DOCK3: variants seen among roughly 807,000 people sequenced by gnomAD.
DOCK3 encodes dedicator of cytokinesis 3.
In DOCK3, 60 loss-of-function variants were observed where a neutral mutation model predicts 265.6. That is an observed-to-expected ratio of 0.23 (90% CI 0.18 to 0.28). The LOEUF is 0.28. DOCK3 is among the 10% of genes least tolerant of loss of function. The pLI, the probability that DOCK3 is intolerant of heterozygous loss-of-function variation, is 1.00. For missense variants in DOCK3, 1,981 were observed against 2,594.3 expected, an observed-to-expected ratio of 0.76 and a Z score of 5.14; for synonymous variants, 881 against 938.0, an observed-to-expected ratio of 0.94 and a Z score of 1.11.
intron 12 of DOCK3, among the ~76,000 whole-genome samples, chr3:51,179,824 A>T (rs2087174088): frequency 6.6e-6 from 1 of 151,870 alleles, no homozygotes; most frequent in Non-Finnish European, 1.5e-5. Flanking sequence ...AGGTCAGATG[A>T]TTGCTTGAGC....
Position 51,359,649 on chromosome 3 carries a change from G to C in DOCK3, c.4885-862G>C, listed in dbSNP as rs904649753. Among the ~76,000 whole-genome samples the C allele has an allele frequency of 6.6e-6, 1 of 152,216 alleles. No homozygotes were observed. The highest frequency in any genetic ancestry group is 1.5e-5 in the Non-Finnish European group (1 of 68,034). ...GAGGTTCTCTGCCATGTGGGTTGCAGCAAAAAGCACAAAACACTTTCCTAT... is the reference window on the plus strand; with the variant it reads ...GAGGTTCTCTGCCATGTGGGTTGCACCAAAAAGCACAAAACACTTTCCTAT... On this transcript the variant is annotated intron_variant, in intron 46 of 52. Transcript: ENST00000266037. This position sits in a 1 kb window ranked among gnomAD's most constrained non-coding sequence, Gnocchi z 4.8.
chr3:50,969,343 C>G (rs1488469240), intron 5 of DOCK3, among the ~76,000 whole-genome samples: 1 of 152,088 alleles, frequency 6.6e-6, no homozygotes, highest in Non-Finnish European at 1.5e-5. Flanking sequence ...CTTTCCACCC[C>G]TTTACATTGA....
chr3:50,775,377 G>T (rs2675815), intron 1 of DOCK3, among the ~76,000 whole-genome samples: 143,364 of 152,052 alleles, frequency 0.94, 68,217 homozygotes, highest in East Asian at 1. Context: ...GTCTCCCATG[G>T]AAAATTTCAA....
chr3:51,233,354 C>CTATTTATT (rs1219559169), intron 19 of DOCK3, among the ~76,000 whole-genome samples: 24 of 113,280 alleles, frequency 2.1e-4, no homozygotes, highest in African/African-American at 1.1e-3. Flanking sequence ...ATCTATCTAT[C>CTATTTATT]TATCTATTTA....
intron 5 of DOCK3, among the ~76,000 whole-genome samples, chr3:50,965,148 T>G (rs2076992517): frequency 1.3e-5 from 2 of 152,084 alleles, no homozygotes; most frequent in African/African-American, 4.8e-5. Context: ...TGGAATTAAA[T>G]TAGAAATCAA....
intron 1 of DOCK3, among the ~76,000 whole-genome samples, chr3:50,740,881 C>T (rs183902729): frequency 5.9e-5 from 9 of 151,910 alleles, no homozygotes; most frequent in East Asian, 1.9e-4. Flanking sequence ...ATGTATAATT[C>T]GGTGGTATTA....
intron 2 of DOCK3, among the ~76,000 whole-genome samples, chr3:50,822,648 C>T (rs1335473803): frequency 6.6e-6 from 1 of 151,930 alleles, no homozygotes; most frequent in Non-Finnish European, 1.5e-5. Context: ...AGGCATGTGC[C>T]ACCATGCCCA....
intron 1 of DOCK3, among the ~76,000 whole-genome samples, chr3:50,755,697 G>A (rs1472512910): frequency 2.0e-5 from 3 of 152,082 alleles, no homozygotes; most frequent in Non-Finnish European, 2.9e-5. Context: ...ATAGATTAGT[G>A]AATCCATTTT....
At chr3:50,693,837 T>G (rs1274691393) in intron 1 of DOCK3, among the ~76,000 whole-genome samples, 1 of 151,614 alleles carries the variant, frequency 6.6e-6, no homozygotes, top group Admixed American at 6.6e-5. Flanking sequence ...GCACCTGGCC[T>G]TCCTTTTCAT....
intron 23 of DOCK3, among the ~76,000 whole-genome samples, chr3:51,267,198 G>C (rs1197237750): frequency 6.6e-5 from 10 of 152,130 alleles, no homozygotes; most frequent in Admixed American, 5.2e-4. Flanking sequence ...GGAGAAATAG[G>C]AATGCTTTTA....
intron 1 of DOCK3, among the ~76,000 whole-genome samples, chr3:50,770,640 C>T (rs1381304907): frequency 6.6e-6 from 1 of 152,084 alleles, no homozygotes; most frequent in African/African-American, 2.4e-5. Context: ...TCACAGCATT[C>T]CTAAGCAAAA....
At chr3:51,296,479 G>T (rs993344555) in intron 27 of DOCK3, among the ~76,000 whole-genome samples, 75 of 140,718 alleles carry the variant, frequency 5.3e-4, no homozygotes, top group South Asian at 1.4e-3. Context: ...ACTTAAATTG[G>T]TTTTTTTTTT....
intron 5 of DOCK3, among the ~76,000 whole-genome samples, chr3:51,061,762 G>A (rs1216822453): frequency 2.0e-5 from 3 of 151,440 alleles, no homozygotes; most frequent in Admixed American, 6.6e-5. Context: ...TGGCTTTCAT[G>A]ACACATACTC....
intron 1 of DOCK3, among the ~76,000 whole-genome samples, chr3:50,747,060 A>G (rs935484512): frequency 3.3e-5 from 5 of 152,084 alleles, no homozygotes; most frequent in African/African-American, 9.7e-5. Flanking sequence ...TTGAATTGGC[A>G]TTCCTTTCCC....
chr3:51,030,448 G>A (rs1263344824), intron 5 of DOCK3, among the ~76,000 whole-genome samples: 2 of 152,042 alleles, frequency 1.3e-5, no homozygotes, highest in Non-Finnish European at 2.9e-5. Flanking sequence ...CTTTGATATG[G>A]CAGCATTATA....
intron 31 of DOCK3, among the ~76,000 whole-genome samples, chr3:51,313,419 G>C (rs989005087): frequency 1.3e-5 from 2 of 152,202 alleles, no homozygotes; most frequent in African/African-American, 4.8e-5. Context: ...GCAACCTCTG[G>C]GTGAGATCAG....
At chr3:51,217,259 T>C (rs1442896260) in intron 14 of DOCK3, among the ~76,000 whole-genome samples, 2 of 151,846 alleles carry the variant, frequency 1.3e-5, no homozygotes, top group East Asian at 3.9e-4. Flanking sequence ...GTAGCTAACA[T>C]ATGATTTCTA....
intron 5 of DOCK3, among the ~76,000 whole-genome samples, chr3:51,057,394 C>G (rs1273453599): frequency 6.6e-6 from 1 of 152,164 alleles, no homozygotes; most frequent in Non-Finnish European, 1.5e-5. Flanking sequence ...CTAAGATGAG[C>G]TATACAGATT....
At chr3:50,787,551 C>T in intron 2 of DOCK3, 1 of 745,486 alleles carries the variant, frequency 1.3e-6, no homozygotes, top group Non-Finnish European at 2.2e-6. Flanking sequence ...AAAAACAACC[C>T]TGGGTCACTT....
Sources: gnomAD v4.1 joint callset for allele counts (sites outside exome capture counted in the v4.1 genomes callset) on GRCh38, gnomAD v4.1.1 for gene constraint, Gnocchi (gnomAD v3.1) non-coding constraint, MANE v1.5 for transcripts, NCBI Gene and HGNC (gene_info 2026-07-23, HGNC 2026-07-21) for gene names.